The following UTP18 variants were observed in gnomAD, a reference collection of about 807,000 sequenced individuals.
The protein encoded by UTP18 is UTP18 small subunit processome component.
Under a neutral mutation model 61.1 loss-of-function variants are expected in UTP18, and 36 were observed. The ratio of observed to expected loss-of-function variants is 0.59; its 90% CI spans 0.45 to 0.78. UTP18 has a LOEUF of 0.78. Among genes scored for constraint, UTP18 ranks in the 30% least tolerant of loss-of-function variants. The pLI, the probability that UTP18 is intolerant of heterozygous loss-of-function variation, is 0.00. For missense variants in UTP18, 753 were observed against 693.9 expected (o/e 1.09, Z -0.96); for synonymous variants, 282 against 251.1 (o/e 1.12, Z -1.16).
intron 2 of UTP18, among the ~76,000 whole-genome samples, chr17:51,265,111 C>T (rs2055546888): frequency 1.3e-5 from 2 of 152,088 alleles, no homozygotes; most frequent in Non-Finnish European, 2.9e-5. Flanking sequence ...TAGGTTTTCC[C>T]CAGCTTTCTG....
intron 2 of UTP18, among the ~76,000 whole-genome samples, chr17:51,264,332 T>A (rs2055538039): frequency 6.6e-6 from 1 of 152,178 alleles, no homozygotes; most frequent in African/African-American, 2.4e-5. Context: ...AGGCGTGAAC[T>A]GCTGTGCCCA....
At chr17:51,287,879 A>G in intron 10 of UTP18, 150 bp from the exon 11 acceptor site, 1 of 497,738 alleles carries the variant, frequency 2.0e-6, no homozygotes, top group African/African-American at 2.0e-5. Context: ...GAGGTTCTAT[A>G]GGACATCTGT....
At chr17:51,291,129 C>CA (rs1423193903) in intron 11 of UTP18, among the ~76,000 whole-genome samples, 1 of 152,226 alleles carries the variant, frequency 6.6e-6, no homozygotes, top group Non-Finnish European at 1.5e-5. Flanking sequence ...TGCGGTGGCT[C>CA]ACGCCTGTAA....
Position 51,295,859 on chromosome 17 carries a change from T to A in UTP18, c.1647-1106T>A, listed in dbSNP as rs575279122. The stretch of plus-strand genomic sequence containing the variant: ...AACTTCACCTGGGGAATATATATAT[T>A]TTTTGGAAAGCACTATTTTGAGAAT... On this transcript the variant is annotated intron_variant, in intron 12 of 13. Coordinates refer to ENST00000225298, the MANE Select transcript of UTP18 (RefSeq NM_016001.3). Among the ~76,000 whole-genome samples the A allele has an allele frequency of 2.0e-5, 3 of 147,570 alleles. No homozygotes were observed. In the South Asian group the frequency reaches 6.3e-4, roughly 31 times the overall value.
chr17:51,269,839 T>TTGTGTGTGTGTGTGTG (rs58180688), intron 4 of UTP18, among the ~76,000 whole-genome samples: 3 of 137,718 alleles, frequency 2.2e-5, no homozygotes, highest in African/African-American at 5.3e-5. Flanking sequence ...AAATAATGTA[T>TTGTGTGTGTGTGTGTG]TGTGTGTGTG....
At chr17:51,264,224 A>G (rs2055536840) in intron 2 of UTP18, among the ~76,000 whole-genome samples, 1 of 151,844 alleles carries the variant, frequency 6.6e-6, no homozygotes, top group Non-Finnish European at 1.5e-5. Flanking sequence ...TTTAGTAGAG[A>G]CAGAGTTAGA....
chr17:51,267,705 T>G (rs1904346800), intron 3 of UTP18, among the ~76,000 whole-genome samples: 1 of 152,192 alleles, frequency 6.6e-6, no homozygotes, highest in African/African-American at 2.4e-5. Context: ...AGTCCAGTTG[T>G]ATCAGTCTCT....
chr17:51,270,732 T>C (rs1904501489), intron 4 of UTP18, among the ~76,000 whole-genome samples: 1 of 152,198 alleles, frequency 6.6e-6, no homozygotes, highest in Non-Finnish European at 1.5e-5. Flanking sequence ...AGGATACTTT[T>C]GCCTACATTT....
chr17:51,275,732 TTGAG>T, intron 5 of UTP18, 130 bp from the exon 6 acceptor site: 1 of 890,106 alleles, frequency 1.1e-6, no homozygotes. Context: ...TTTTTTTTTT[TTGAG>T]TTGTGTTTGG....
At chr17:51,265,300 C>A (rs537172510) in intron 2 of UTP18, among the ~76,000 whole-genome samples, 4 of 141,080 alleles carry the variant, frequency 2.8e-5, no homozygotes, top group Non-Finnish European at 6.1e-5. Context: ...TTTTGCTCTT[C>A]TTGCCTGGGC....
intron 1 of UTP18, among the ~76,000 whole-genome samples, chr17:51,261,504 C>T (rs1232059270): frequency 6.6e-6 from 1 of 152,182 alleles, no homozygotes; most frequent in Non-Finnish European, 1.5e-5. Context: ...ATTTTGCTAT[C>T]CCTTTAAATT....
chr17:51,268,014 G>GTT lies in UTP18; in HGVS notation c.555-811_555-810dup, dbSNP rs895927915. ...GTTGTTTTTTTGTTTTTTGTTTTTTGTTTTTTTTTTTTTGAGATGGAGCCT... is the reference window on the plus strand; with the variant it reads ...GTTGTTTTTTTGTTTTTTGTTTTTTGTTTTTTTTTTTTTTTGAGATGGAGCCT... On this transcript the variant is annotated intron_variant, in intron 3 of 13. Coordinates refer to ENST00000225298, the MANE Select transcript of UTP18 (RefSeq NM_016001.3). Among the ~76,000 whole-genome samples, 1,100 of 127,022 alleles carry GTT rather than the reference G, an allele frequency of 8.7e-3. 31 individuals are homozygous for GTT. The highest frequency in any genetic ancestry group is 0.031 in the African/African-American group (1,040 of 33,192). The allele number at this position is 127,022 out of a possible 152,430, so 83.3% of individuals were successfully genotyped here. A position where few individuals can be genotyped will look rare whatever the true frequency, so the allele number is the denominator to read the frequency against.
chr17:51,294,295 C>A (rs1172247444), intron 12 of UTP18, among the ~76,000 whole-genome samples: 6 of 151,400 alleles, frequency 4.0e-5, no homozygotes, highest in Non-Finnish European at 8.8e-5. Context: ...GTATGCTGCA[C>A]CCATTAACTC....
At chr17:51,268,502 C>G (rs2144399604) in intron 3 of UTP18, among the ~76,000 whole-genome samples, 1 of 152,314 alleles carries the variant, frequency 6.6e-6, no homozygotes, top group South Asian at 2.1e-4. Flanking sequence ...GTGGCATAAA[C>G]CACAAAGAGA....
Position 51,263,317 on chromosome 17 carries a change from A to C in UTP18, c.386A>C (p.Glu129Ala). 1 of 1,614,248 alleles carries C rather than the reference A, an allele frequency of 6.2e-7. No individual in the cohort carries two copies. The highest frequency in any genetic ancestry group is 8.5e-7 in the Non-Finnish European group (1 of 1,180,044). The change falls in exon 2 of 14, where the codon GAA becomes GCA. Residue 129 changes from glutamate to alanine, a missense_variant. Physicochemically the swap from Glu to Ala is moderately radical, Grantham distance 107. Coordinates refer to ENST00000225298, the MANE Select transcript of UTP18 (RefSeq NM_016001.3). ...EDSGDSEVEN[E>A]AKGNFPPQKK... ...TCGGGTGACTCAGAAGTGGAGAATG[A>C]AGCAAAAGGTAATTTTCCACCTCAA...
At chr17:51,278,904 T>A (rs1005096380) in intron 7 of UTP18, among the ~76,000 whole-genome samples, 1 of 152,070 alleles carries the variant, frequency 6.6e-6, no homozygotes, top group Non-Finnish European at 1.5e-5. Context: ...TGAAATAATA[T>A]TGGGGAGCAT....
Position 51,285,336 on chromosome 17 carries a change from C to A in UTP18, c.1296C>A (p.Ala432=). Residue 432 remains alanine, a synonymous_variant, in exon 10 of 14, where the codon GCC becomes GCA. Coordinates refer to ENST00000225298, the MANE Select transcript of UTP18 (RefSeq NM_016001.3). The part of the protein sequence containing the change: ...DEGSLYGLSI[A]TSRNGQYVAC... ...GCAGTTTATATGGATTAAGCATTGC[C>A]ACATCTAGGAATGGACAGTATGTTG... 1 of 1,613,854 alleles carries A rather than the reference C, an allele frequency of 6.2e-7. No homozygotes were observed. The highest frequency in any genetic ancestry group is 1.1e-5 in the South Asian group (1 of 91,040).
At chr17:51,268,186 C>T (rs1904366881) in intron 3 of UTP18, among the ~76,000 whole-genome samples, 2 of 151,932 alleles carry the variant, frequency 1.3e-5, no homozygotes, top group East Asian at 1.9e-4. Flanking sequence ...CCAACACGCC[C>T]AGCTAATTTT....
chr17:51,271,610 C>A (rs563420334), intron 4 of UTP18, among the ~76,000 whole-genome samples: 2 of 151,184 alleles, frequency 1.3e-5, no homozygotes, highest in African/African-American at 4.9e-5. Flanking sequence ...ACCACAAATT[C>A]TCTCTACAGC....
Sources: allele counts gnomAD v4.1 joint callset (sites outside exome capture counted in the v4.1 genomes callset), GRCh38; gene constraint gnomAD v4.1.1; transcripts MANE v1.5; gene names NCBI Gene and HGNC (gene_info 2026-07-23, HGNC 2026-07-21).